CCDC30: variants seen among roughly 807,000 people sequenced by gnomAD.
CCDC30 encodes coiled-coil domain containing 30.
CCDC30 carries 70 observed loss-of-function variants against 100.2 expected under a neutral mutation model. The ratio of observed to expected loss-of-function variants is 0.70; its 90% CI spans 0.58 to 0.85. The LOEUF (loss-of-function observed/expected upper bound fraction) is 0.85. Ranked by LOEUF, CCDC30 falls within the 40% of genes least tolerant of loss-of-function variation. CCDC30 has a pLI of 0.00. For synonymous variants in CCDC30, 233 were observed against 269.5 expected (o/e 0.86, Z 1.33); for missense variants, 652 against 771.2 (o/e 0.85, Z 1.83).
intron 2 of CCDC30, among the ~76,000 whole-genome samples, chr1:42,480,838 G>A (rs1643944855): frequency 6.6e-6 from 1 of 152,130 alleles, no homozygotes; most frequent in African/African-American, 2.4e-5. Flanking sequence ...ATAGATTCAT[G>A]GCCAGATGTG....
rs1263086182 is a variant in CCDC30 at position 42,576,869 on chromosome 1, C to T, written c.637-151C>T. On this transcript the variant is annotated intron_variant, in intron 7 of 16. Coordinates refer to ENST00000668663, the Ensembl canonical transcript of CCDC30. ...CTGCCATCTGTCTACACTTTGGAAA[C>T]TCTTACATGGCAGCTCTAAAGAGGT... 9.8e-6 allele frequency: 6 copies of T among 610,884 alleles called. No homozygotes were observed. The East Asian group carries it at 1.7e-4, about 17-fold the overall frequency. The allele number at this position is 610,884 out of a possible 1,614,324, so 37.8% of individuals were successfully genotyped here.
chr1:42,480,156 A>T lies in CCDC30; in HGVS notation c.-91-305A>T, dbSNP rs553379448. Among the ~76,000 whole-genome samples the T allele has an allele frequency of 2.9e-3, 435 of 152,298 alleles. 1 individual carries two copies. The highest frequency in any genetic ancestry group is 5.1e-3 in the Non-Finnish European group (344 of 68,018). On this transcript the variant is annotated intron_variant, in intron 1 of 16. Transcript: ENST00000668663. ...TAACTCAAATTGTTTGATAGATATG[A>T]TCTGTAATTATGAAATATCTATTCA...
At chr1:42,572,879 A>G (rs1444422531) in intron 7 of CCDC30, among the ~76,000 whole-genome samples, 1 of 152,178 alleles carries the variant, frequency 6.6e-6, no homozygotes, top group Non-Finnish European at 1.5e-5. Context: ...TCAGCCTCCC[A>G]AAGTGTGGGA....
chr1:42,556,490 CAT>C (rs559197020), intron 6 of CCDC30, 85 bp downstream of exon 10: 2 of 1,394,672 alleles, frequency 1.4e-6, no homozygotes, highest in South Asian at 1.6e-5. Flanking sequence ...TACCATCATT[CAT>C]ATATATGTTT....
chr1:42,643,263 G>A (rs866555450), intron 13 of CCDC30, among the ~76,000 whole-genome samples: 28 of 152,176 alleles, frequency 1.8e-4, no homozygotes, highest in Admixed American at 1.2e-3. Context: ...TTTACAGATA[G>A]GAAGCCAAGG....
chr1:42,519,142 A>G (rs1250194479), intron 6 of CCDC30, among the ~76,000 whole-genome samples: 1 of 152,144 alleles, frequency 6.6e-6, no homozygotes, highest in Admixed American at 6.5e-5. Context: ...CTACTTGGTC[A>G]TGGTTTATAA....
At chr1:42,510,963 A>C (rs903603987) in intron 6 of CCDC30, among the ~76,000 whole-genome samples, 1 of 152,046 alleles carries the variant, frequency 6.6e-6, no homozygotes, top group East Asian at 1.9e-4. Context: ...TCAAAGTCTC[A>C]GGGTCAAAGG....
At chr1:42,575,214 A>C (rs1645807992) in intron 7 of CCDC30, among the ~76,000 whole-genome samples, 1 of 152,184 alleles carries the variant, frequency 6.6e-6, no homozygotes, top group African/African-American at 2.4e-5. Flanking sequence ...ACTTTTGTCT[A>C]TGAGCCTTCC....
At chr1:42,473,607 T>C in intron 1 of CCDC30, 1 of 253,710 alleles carries the variant, frequency 3.9e-6, no homozygotes. Flanking sequence ...TAGGTGACTC[T>C]TTTTTTTGAA....
chr1:42,557,760 A>C (rs1423614311), intron 6 of CCDC30, among the ~76,000 whole-genome samples: 4 of 141,730 alleles, frequency 2.8e-5, no homozygotes, highest in Non-Finnish European at 4.7e-5. Flanking sequence ...AAAGCTGATA[A>C]AATTAGGATA....
intron 15 of CCDC30, among the ~76,000 whole-genome samples, chr1:42,652,000 A>G (rs1463148805): frequency 1.3e-5 from 2 of 152,202 alleles, no homozygotes; most frequent in Non-Finnish European, 2.9e-5. Context: ...TCCCCAACAA[A>G]GTGAAAATAG....
At chr1:42,527,862 T>C (rs1644745080) in intron 6 of CCDC30, among the ~76,000 whole-genome samples, 1 of 152,016 alleles carries the variant, frequency 6.6e-6, no homozygotes, top group African/African-American at 2.4e-5. Context: ...TTTCTTTCTT[T>C]CTTTCTTTTT....
At chr1:42,568,506 A>G (rs1645655685) in intron 7 of CCDC30, among the ~76,000 whole-genome samples, 1 of 152,162 alleles carries the variant, frequency 6.6e-6, no homozygotes, top group African/African-American at 2.4e-5. Context: ...AAGCTAACAA[A>G]TTATAGAGTC....
chr1:42,610,879 A>G (rs1646606364), intron 10 of CCDC30, 99 bp from the exon 15 acceptor site: 2 of 610,796 alleles, frequency 3.3e-6, no homozygotes, highest in Non-Finnish European at 5.6e-6. Flanking sequence ...AGGAGTGACT[A>G]TAAGCTTTTT....
At chr1:42,485,437 C>G (rs542292678) in intron 3 of CCDC30, among the ~76,000 whole-genome samples, 1 of 152,110 alleles carries the variant, frequency 6.6e-6, no homozygotes, top group Non-Finnish European at 1.5e-5. Context: ...TGATATGGAT[C>G]TTACATCCAG....
At chr1:42,644,463 C>G (rs573168678) in intron 13 of CCDC30, among the ~76,000 whole-genome samples, 1 of 152,184 alleles carries the variant, frequency 6.6e-6, no homozygotes. Flanking sequence ...AACACCCTCA[C>G]GGACACACCC....
rs1645316360 is a variant in CCDC30, at chr1:42,554,105, T to C, written c.457-12191T>C. Among the ~76,000 whole-genome samples, 3 of 152,166 alleles carry C rather than the reference T, an allele frequency of 2.0e-5. No individual in the cohort carries two copies. The South Asian group carries it at 6.2e-4, about 32-fold the overall frequency. Reference sequence around the variant, plus strand: ...AAGTAGTTTTCATGTTTATGAATAGTCTTGAGGTCACTTTTAAGTTGAAGC... The same window carrying C: ...AAGTAGTTTTCATGTTTATGAATAGCCTTGAGGTCACTTTTAAGTTGAAGC... On this transcript the variant is annotated intron_variant, in intron 6 of 16. Coordinates refer to ENST00000668663, the Ensembl canonical transcript of CCDC30.
chr1:42,548,465 C>T (rs776941950), intron 6 of CCDC30, among the ~76,000 whole-genome samples: 16 of 151,932 alleles, frequency 1.1e-4, no homozygotes, highest in Non-Finnish European at 2.1e-4. Flanking sequence ...ACTCTAAACT[C>T]TATATTGGAT....
At chr1:42,541,372 G>T (rs918876671) in intron 6 of CCDC30, among the ~76,000 whole-genome samples, 1 of 152,218 alleles carries the variant, frequency 6.6e-6, no homozygotes, top group African/African-American at 2.4e-5. Flanking sequence ...TGAGGGTAAG[G>T]CTTTCAACAT....
Sources: allele counts gnomAD v4.1 joint callset (sites outside exome capture counted in the v4.1 genomes callset), GRCh38; gene constraint gnomAD v4.1.1; transcripts MANE v1.5; gene names NCBI Gene and HGNC (gene_info 2026-07-23, HGNC 2026-07-21).